The following ANKS1B variants were observed in gnomAD, a reference collection of about 807,000 sequenced individuals.
ANKS1B encodes the protein ankyrin repeat and sterile alpha motif domain containing 1B, also known as ankyrin repeat and sterile alpha motif domain-containing protein 1B.
Under a neutral mutation model 148.3 loss-of-function variants are expected in ANKS1B, and 36 were observed. The observed-to-expected ratio is 0.24, with a 90% CI of 0.19 to 0.32. The LOEUF is 0.32. Ranked by LOEUF, ANKS1B falls within the 10% of genes least tolerant of loss-of-function variation. ANKS1B has a pLI of 1.00. For missense variants in ANKS1B, 1,157 were observed against 1,542.6 expected, an observed-to-expected ratio of 0.75 and a Z score of 4.19; for synonymous variants, 542 against 560.8, an observed-to-expected ratio of 0.97 and a Z score of 0.47.
At chr12:98,921,195 C>T (rs933085732) in intron 17 of ANKS1B, among the ~76,000 whole-genome samples, 1 of 151,890 alleles carries the variant, frequency 6.6e-6, no homozygotes, top group South Asian at 2.1e-4. Context: ...TGATGTTTTC[C>T]ATTTACTCAG....
chr12:99,906,840 T>C lies in ANKS1B; in HGVS notation c.134+77264A>G, dbSNP rs1032692908. On this transcript the variant is annotated intron_variant, in intron 1 of 26. Coordinates refer to ENST00000683438, the MANE Select transcript of ANKS1B (RefSeq NM_001352186.2). ...TTGTAGTGCCGGGAGTATGGGAATA[T>C]AACAATAAATAAAACATAGCCTCTG... is the stretch of plus-strand genomic sequence containing the variant. Among the ~76,000 whole-genome samples the C allele has an allele frequency of 3.9e-5, 6 of 152,042 alleles. No individual in the cohort carries two copies. In the South Asian group the frequency reaches 8.3e-4, roughly 21 times the overall value.
chr12:98,823,673 G>C (rs201423), intron 19 of ANKS1B, among the ~76,000 whole-genome samples: 45,310 of 152,124 alleles, frequency 0.3, 8,648 homozygotes, highest in East Asian at 0.7. Context: ...TGAGTCTTTA[G>C]TAGAGACGGG....
In ANKS1B at chr12:99,092,981, G is replaced by T. The variant is rs181053095; in HGVS notation, c.2527-7958C>A. Among the ~76,000 whole-genome samples, 111 of 152,196 alleles carry T rather than the reference G, an allele frequency of 7.3e-4. 1 individual carries two copies. In the South Asian group the frequency reaches 0.011, roughly 15 times the overall value. On this transcript the variant is annotated intron_variant, in intron 15 of 26. Transcript: ENST00000683438. ...ACAAGATAAGTATAGGATGGATCTG[G>T]GATCTGTGTTTTATTTGGTCAGACT...
downstream of ANKS1B, among the ~76,000 whole-genome samples, chr12:98,740,808 G>T (rs1477454403): frequency 2.0e-5 from 3 of 152,160 alleles, no homozygotes; most frequent in African/African-American, 7.2e-5. Context: ...GAAGTTGTGG[G>T]GTGGAGCTTC....
At chr12:99,649,958 C>T (rs1449951650) in intron 9 of ANKS1B, 2 of 153,838 alleles carry the variant, frequency 1.3e-5, no homozygotes, top group African/African-American at 2.4e-5. Context: ...ACCTCAAAGC[C>T]CAGTACTACA....
At chr12:99,504,685 A>T in intron 9 of ANKS1B, 44 bp from the exon 10 acceptor site, 2 of 1,391,060 alleles carry the variant, frequency 1.4e-6, no homozygotes, top group Non-Finnish European at 1.9e-6. Context: ...ATGAAGAAAC[A>T]GCCTTGTTTA....
At chr12:98,877,078 G>A (rs2099693039) in intron 17 of ANKS1B, among the ~76,000 whole-genome samples, 2 of 152,136 alleles carry the variant, frequency 1.3e-5, no homozygotes, top group South Asian at 4.1e-4. Context: ...CAATCTAATG[G>A]GGCCAGTTGG....
intron 15 of ANKS1B, among the ~76,000 whole-genome samples, chr12:99,150,775 G>C (rs929683539): frequency 6.6e-6 from 1 of 152,006 alleles, no homozygotes; most frequent in African/African-American, 2.4e-5. Flanking sequence ...CAAACTCAGG[G>C]GAAGTGAGTG....
intron 11 of ANKS1B, among the ~76,000 whole-genome samples, chr12:99,419,021 A>T (rs1594426585): frequency 6.6e-6 from 1 of 152,154 alleles, no homozygotes. Flanking sequence ...ACATTTCTGA[A>T]TACTATTTGC....
At chr12:98,858,075 T>C (rs527271934) in intron 17 of ANKS1B, among the ~76,000 whole-genome samples, 2 of 152,310 alleles carry the variant, frequency 1.3e-5, no homozygotes, top group East Asian at 3.9e-4. Context: ...GACAGGTTTG[T>C]GTACTGGTTT....
intron 14 of ANKS1B, among the ~76,000 whole-genome samples, chr12:99,202,730 CAA>C (rs1054340682): frequency 6.6e-6 from 1 of 152,178 alleles, no homozygotes; most frequent in African/African-American, 2.4e-5. Context: ...CCTAAAACAA[CAA>C]ACACTTTATT....
At chr12:98,901,142 T>C (rs1302253280) in intron 17 of ANKS1B, among the ~76,000 whole-genome samples, 1 of 152,224 alleles carries the variant, frequency 6.6e-6, no homozygotes, top group Non-Finnish European at 1.5e-5. Context: ...CAAATAGGCA[T>C]TAGGTAAATA....
intron 9 of ANKS1B, among the ~76,000 whole-genome samples, chr12:99,535,341 T>C (rs1221265516): frequency 6.6e-6 from 1 of 152,208 alleles, no homozygotes; most frequent in Admixed American, 6.5e-5. Context: ...TCCACTCTTG[T>C]TGTCCCACGT....
chr12:99,412,512 T>C (rs995791371), intron 11 of ANKS1B, among the ~76,000 whole-genome samples: 1 of 152,236 alleles, frequency 6.6e-6, no homozygotes, highest in Non-Finnish European at 1.5e-5. Flanking sequence ...CCACTCATTG[T>C]TCCAGTGACA....
At chr12:99,053,412 C>A (rs1436557738) in intron 16 of ANKS1B, 103 bp from the exon 17 acceptor site, 20 of 873,704 alleles carry the variant, frequency 2.3e-5, no homozygotes, top group Admixed American at 4.0e-5. Context: ...AAGAACAGAT[C>A]TTTCTGGAGA....
chr12:98,910,804 T>A (rs781721780), intron 17 of ANKS1B, among the ~76,000 whole-genome samples: 1 of 152,214 alleles, frequency 6.6e-6, no homozygotes, highest in Non-Finnish European at 1.5e-5. Context: ...GGTTCTATAT[T>A]TTTGACTTTA....
intron 17 of ANKS1B, among the ~76,000 whole-genome samples, chr12:98,864,329 C>T (rs2099614067): frequency 6.6e-6 from 1 of 152,118 alleles, no homozygotes. Flanking sequence ...TTGAAATATA[C>T]AATATACTGT....
chr12:99,325,929 C>T (rs1394105816), intron 12 of ANKS1B, among the ~76,000 whole-genome samples: 3 of 151,972 alleles, frequency 2.0e-5, no homozygotes, highest in Non-Finnish European at 4.4e-5. Flanking sequence ...TTCAGCATGG[C>T]TCGGAGGCCT....
intron 16 of ANKS1B, among the ~76,000 whole-genome samples, chr12:99,074,668 G>T (rs908214037): frequency 6.6e-6 from 1 of 152,180 alleles, no homozygotes; most frequent in African/African-American, 2.4e-5. Context: ...GGAAATGCAG[G>T]CCGCCAGTGC....
Sources: gnomAD v4.1 joint callset for allele counts (sites outside exome capture counted in the v4.1 genomes callset) on GRCh38, gnomAD v4.1.1 for gene constraint, MANE v1.5 for transcripts, NCBI Gene and HGNC (gene_info 2026-07-23, HGNC 2026-07-21) for gene names.